The following C1orf21 variants were observed in gnomAD, a reference collection of about 807,000 sequenced individuals.
The protein encoded by C1orf21 is uncharacterized protein C1orf21.
C1orf21 carries 3 observed loss-of-function variants against 18.7 expected under a neutral mutation model. The observed-to-expected ratio is 0.16, with a 90% CI of 0.07 to 0.42. C1orf21 has a LOEUF of 0.42. C1orf21 is among the 10% of genes least tolerant of loss of function. The pLI, the probability that C1orf21 is intolerant of heterozygous loss-of-function variation, is 0.99. For synonymous variants in C1orf21, 41 were observed against 46.4 expected (o/e 0.88, Z 0.47); for missense variants, 104 against 143.6 (o/e 0.72, Z 1.41).
At chr1:184,582,637 A>G (rs888265238) in intron 3 of C1orf21, among the ~76,000 whole-genome samples, 1 of 152,220 alleles carries the variant, frequency 6.6e-6, no homozygotes, top group African/African-American at 2.4e-5. Flanking sequence ...CAGACTATCA[A>G]TTCAGAACCA....
chr1:184,416,060 A>G (rs1656445410), intron 1 of C1orf21, among the ~76,000 whole-genome samples: 1 of 152,236 alleles, frequency 6.6e-6, no homozygotes, highest in Admixed American at 6.5e-5. Flanking sequence ...GAGATGAACC[A>G]AACCACATCT....
intron 2 of C1orf21, among the ~76,000 whole-genome samples, chr1:184,494,582 G>A (rs1657862748): frequency 2.0e-5 from 3 of 152,116 alleles, no homozygotes; most frequent in Admixed American, 1.3e-4. Context: ...GATTAAATAT[G>A]AGCTTCATTA....
intron 3 of C1orf21, chr1:184,566,731 G>C (rs557835889): frequency 3.6e-4 from 140 of 391,744 alleles, no homozygotes; most frequent in African/African-American, 2.9e-3. Flanking sequence ...AGCCATCTGG[G>C]ACTACCAGAT....
At chr1:184,437,654 G>A (rs1656879278) in intron 1 of C1orf21, among the ~76,000 whole-genome samples, 1 of 152,096 alleles carries the variant, frequency 6.6e-6, no homozygotes, top group South Asian at 2.1e-4. Flanking sequence ...TTTGGCACCA[G>A]AGACCAGTTT....
intron 1 of C1orf21, among the ~76,000 whole-genome samples, chr1:184,405,403 C>T (rs1656228523): frequency 6.6e-6 from 1 of 152,056 alleles, no homozygotes; most frequent in African/African-American, 2.4e-5. Flanking sequence ...ACTATGTTGC[C>T]CAGGCTGGTC....
intron 3 of C1orf21, among the ~76,000 whole-genome samples, chr1:184,563,390 A>C (rs932683592): frequency 3.9e-5 from 6 of 152,236 alleles, no homozygotes; most frequent in African/African-American, 1.2e-4. Context: ...AAAAGTTACC[A>C]AGCTGAGGTT....
chr1:184,408,777 G>T (rs543759340), intron 1 of C1orf21, among the ~76,000 whole-genome samples: 4 of 152,250 alleles, frequency 2.6e-5, no homozygotes, highest in African/African-American at 9.6e-5. Context: ...TACACCCCTT[G>T]GGGATAGTCT....
At chr1:184,418,350 C>T (rs1437607891) in intron 1 of C1orf21, among the ~76,000 whole-genome samples, 1 of 152,184 alleles carries the variant, frequency 6.6e-6, no homozygotes, top group Non-Finnish European at 1.5e-5. Flanking sequence ...TCCCAAATAG[C>T]TGGCATGTGC....
intron 1 of C1orf21, among the ~76,000 whole-genome samples, chr1:184,426,069 A>G (rs1258968294): frequency 1.3e-5 from 2 of 152,262 alleles, no homozygotes; most frequent in Non-Finnish European, 1.5e-5. Flanking sequence ...CGATCAAGAT[A>G]AAGATGTTGG....
At chr1:184,388,406 G>A (rs1655920386) in intron 1 of C1orf21, among the ~76,000 whole-genome samples, 1 of 152,176 alleles carries the variant, frequency 6.6e-6, no homozygotes, top group Non-Finnish European at 1.5e-5. Flanking sequence ...GTGACCTATG[G>A]GATCTCTTCC....
intron 1 of C1orf21, among the ~76,000 whole-genome samples, chr1:184,445,725 G>A (rs890290051): frequency 6.6e-6 from 1 of 152,134 alleles, no homozygotes; most frequent in Non-Finnish European, 1.5e-5. Flanking sequence ...TGGCCCTTAG[G>A]AGGGCATTAG....
intron 3 of C1orf21, among the ~76,000 whole-genome samples, chr1:184,558,915 A>G (rs948654097): frequency 6.6e-6 from 1 of 152,220 alleles, no homozygotes; most frequent in Non-Finnish European, 1.5e-5. Flanking sequence ...AGAATTGTAG[A>G]GTAGAAGAAA....
chr1:184,445,228 T>A (rs1376291575), intron 1 of C1orf21, among the ~76,000 whole-genome samples: 1 of 152,210 alleles, frequency 6.6e-6, no homozygotes, highest in Non-Finnish European at 1.5e-5. Flanking sequence ...GTCCATTCAT[T>A]CTAATAAAGT....
chr1:184,532,423 A>G (rs1000473771), intron 3 of C1orf21, among the ~76,000 whole-genome samples: 5 of 152,216 alleles, frequency 3.3e-5, no homozygotes, highest in African/African-American at 9.7e-5. Flanking sequence ...AAGCACTGTC[A>G]GTTCTATGAT....
chr1:184,522,200 GATA>G (rs1198823970), intron 3 of C1orf21, among the ~76,000 whole-genome samples: 1 of 152,090 alleles, frequency 6.6e-6, no homozygotes, highest in African/African-American at 2.4e-5. Context: ...AATATTAATA[GATA>G]TTTGTACATA....
intron 1 of C1orf21, among the ~76,000 whole-genome samples, chr1:184,434,074 T>C (rs1420251215): frequency 6.6e-6 from 1 of 152,150 alleles, no homozygotes; most frequent in Non-Finnish European, 1.5e-5. Context: ...ACTGTAATTA[T>C]TTTCCAGACT....
chr1:184,549,275 G>A (rs538055748), intron 3 of C1orf21, among the ~76,000 whole-genome samples: 12 of 152,168 alleles, frequency 7.9e-5, no homozygotes, highest in African/African-American at 2.4e-4. Context: ...CTCAGTCAAG[G>A]GATGACTTCT....
intron 2 of C1orf21, among the ~76,000 whole-genome samples, chr1:184,492,047 T>C (rs1657824190): frequency 6.6e-6 from 1 of 152,216 alleles, no homozygotes; most frequent in South Asian, 2.1e-4. Flanking sequence ...TCAGTTTTTC[T>C]CAAATTTTCT....
chr1:184,564,930 T>C (rs1659015100), intron 3 of C1orf21, among the ~76,000 whole-genome samples: 1 of 152,164 alleles, frequency 6.6e-6, no homozygotes, highest in Non-Finnish European at 1.5e-5. Context: ...CTACAGAAGT[T>C]CCACAGTAGA....
Sources: gnomAD v4.1 joint callset for allele counts (sites outside exome capture counted in the v4.1 genomes callset) on GRCh38, gnomAD v4.1.1 for gene constraint, MANE v1.5 for transcripts, NCBI Gene and HGNC (gene_info 2026-07-23, HGNC 2026-07-21) for gene names.